LRFN2: variants seen among roughly 807,000 people sequenced by gnomAD.
The protein encoded by LRFN2 is leucine rich repeat and fibronectin type III domain containing 2.
In LRFN2, 18 loss-of-function variants were observed where a neutral mutation model predicts 37.3. The ratio of observed to expected loss-of-function variants is 0.48; its 90% CI spans 0.33 to 0.72. The LOEUF (loss-of-function observed/expected upper bound fraction) is 0.72, where lower values mean the gene tolerates loss of function less well. Among genes scored for constraint, LRFN2 ranks in the 30% least tolerant of loss-of-function variants. The pLI, the probability that LRFN2 is intolerant of heterozygous loss-of-function variation, is 0.02. For synonymous variants in LRFN2, 556 were observed against 466.6 expected, an observed-to-expected ratio of 1.19 and a Z score of -2.47; for missense variants, 1,006 against 1,060.7, an observed-to-expected ratio of 0.95 and a Z score of 0.72.
intron 1 of LRFN2, among the ~76,000 whole-genome samples, chr6:40,570,014 G>A (rs1767159926): frequency 6.6e-6 from 1 of 152,080 alleles, no homozygotes; most frequent in Non-Finnish European, 1.5e-5. Flanking sequence ...CCCCATCTCT[G>A]TGGTTCTCAA....
At chr6:40,552,772 C>T (rs909027509) in intron 1 of LRFN2, among the ~76,000 whole-genome samples, 1 of 152,112 alleles carries the variant, frequency 6.6e-6, no homozygotes, top group Non-Finnish European at 1.5e-5. Flanking sequence ...TACCCTACCC[C>T]AGCAACTATT....
At chr6:40,469,655 G>T (rs1302039645) in intron 1 of LRFN2, among the ~76,000 whole-genome samples, 1 of 152,140 alleles carries the variant, frequency 6.6e-6, no homozygotes, top group Non-Finnish European at 1.5e-5. Flanking sequence ...TTGGAGGATG[G>T]ACAGAGAACC....
chr6:40,526,220 C>T (rs1254190766), intron 1 of LRFN2, among the ~76,000 whole-genome samples: 6 of 152,202 alleles, frequency 3.9e-5, no homozygotes, highest in Non-Finnish European at 7.4e-5. Context: ...ATCCAGCCAG[C>T]GTGCTCCGCA....
chr6:40,506,030 A>T (rs1409388434), intron 1 of LRFN2, among the ~76,000 whole-genome samples: 1 of 152,232 alleles, frequency 6.6e-6, no homozygotes, highest in Admixed American at 6.5e-5. Context: ...AGGGCCCTCC[A>T]GTGAGGGGCC....
chr6:40,445,200 T>C (rs1463610473), intron 1 of LRFN2, among the ~76,000 whole-genome samples: 1 of 152,212 alleles, frequency 6.6e-6, no homozygotes, highest in Non-Finnish European at 1.5e-5. Context: ...GAGGGAAGTA[T>C]CTACAGGGTG....
intron 1 of LRFN2, among the ~76,000 whole-genome samples, chr6:40,536,641 C>A (rs754326664): frequency 6.6e-6 from 1 of 152,174 alleles, no homozygotes; most frequent in Non-Finnish European, 1.5e-5. Flanking sequence ...ACTCAGGACC[C>A]GTCCCGCAGA....
intron 2 of LRFN2, among the ~76,000 whole-genome samples, chr6:40,423,995 T>A (rs1474044466): frequency 1.3e-5 from 2 of 152,226 alleles, no homozygotes; most frequent in Non-Finnish European, 2.9e-5. Flanking sequence ...TAAACCCTTA[T>A]GAGTTTAAGT....
intron 1 of LRFN2, among the ~76,000 whole-genome samples, chr6:40,492,726 A>G (rs1765120924): frequency 1.3e-5 from 2 of 152,094 alleles, no homozygotes; most frequent in Admixed American, 6.5e-5. Context: ...GCCAGGGCAG[A>G]GGCAACAGGC....
chr6:40,519,344 G>A (rs1298602167), intron 1 of LRFN2, among the ~76,000 whole-genome samples: 1 of 152,180 alleles, frequency 6.6e-6, no homozygotes, highest in Non-Finnish European at 1.5e-5. Flanking sequence ...CACTGGTATG[G>A]TCCCAAATCT....
chr6:40,523,991 GAA>G (rs1766168535), intron 1 of LRFN2: 1 of 17,906 alleles, frequency 5.6e-5, no homozygotes, highest in Non-Finnish European at 9.5e-5. Context: ...GAGGGGCTGG[GAA>G]GGGCAGGGGG....
intron 2 of LRFN2, among the ~76,000 whole-genome samples, chr6:40,412,102 T>C (rs1054543263): frequency 6.6e-6 from 1 of 152,086 alleles, no homozygotes; most frequent in Non-Finnish European, 1.5e-5. Flanking sequence ...TGGCACACTG[T>C]TCATTAGCTG....
chr6:40,521,960 T>A (rs567027140), intron 1 of LRFN2, among the ~76,000 whole-genome samples: 1 of 152,294 alleles, frequency 6.6e-6, no homozygotes, highest in East Asian at 1.9e-4. Flanking sequence ...ATTGGTGGAA[T>A]GGGCTGGCTG....
chr6:40,526,254 G>A (rs1237354774), intron 1 of LRFN2, among the ~76,000 whole-genome samples: 1 of 152,204 alleles, frequency 6.6e-6, no homozygotes, highest in Non-Finnish European at 1.5e-5. Flanking sequence ...CTACAGTTTG[G>A]CCTTTACCCA....
intron 1 of LRFN2, among the ~76,000 whole-genome samples, chr6:40,548,907 T>C (rs1045666052): frequency 6.6e-6 from 1 of 152,206 alleles, no homozygotes; most frequent in East Asian, 1.9e-4. Context: ...AAACCCATAC[T>C]TGAGGTCCAC....
At chr6:40,473,713 T>C (rs1188320291) in intron 1 of LRFN2, among the ~76,000 whole-genome samples, 1 of 152,120 alleles carries the variant, frequency 6.6e-6, no homozygotes, top group African/African-American at 2.4e-5. Flanking sequence ...TAGGTATTTG[T>C]CCTAATGCTC....
In LRFN2 at chr6:40,431,866, C is replaced by T; in HGVS notation, c.1248G>A (p.Glu416=). The change falls in exon 2 of 3, where the codon GAG becomes GAA. Residue 416 remains glutamate (E), a synonymous_variant. Transcript: ENST00000338305. ...CCCGTTCCGGGGGGCTTTTGGGAGG[C>T]TCTCCGCCCCCACTGCCTCCACCTC... ...SRGGGGSGGG[E]PPKSPPERAV... is the part of the protein sequence containing the mutation. 6.3e-7 allele frequency: 1 copy of T among 1,596,564 alleles called. No homozygotes were observed. Among genetic ancestry groups the T allele is most frequent in the Non-Finnish European group, 8.5e-7 (1 of 1,170,058 alleles).
intron 1 of LRFN2, among the ~76,000 whole-genome samples, chr6:40,489,485 C>T (rs1412997191): frequency 3.3e-5 from 5 of 152,086 alleles, no homozygotes; most frequent in South Asian, 4.2e-4. Context: ...CAGCTTGGCC[C>T]GGTGAAGGGA....
chr6:40,460,144 A>G (rs1271298210), intron 1 of LRFN2, among the ~76,000 whole-genome samples: 2 of 152,188 alleles, frequency 1.3e-5, no homozygotes, highest in Non-Finnish European at 2.9e-5. Flanking sequence ...GAGTCTCCTC[A>G]CAGGGGCTCC....
At chr6:40,416,375 T>C (rs928942770) in intron 2 of LRFN2, among the ~76,000 whole-genome samples, 1 of 147,112 alleles carries the variant, frequency 6.8e-6, no homozygotes, top group African/African-American at 2.5e-5. Context: ...TCTGGCAATT[T>C]ATTCCTGCAT....
Sources: gnomAD v4.1 joint callset for allele counts (sites outside exome capture counted in the v4.1 genomes callset) on GRCh38, gnomAD v4.1.1 for gene constraint, MANE v1.5 for transcripts, NCBI Gene and HGNC (gene_info 2026-07-23, HGNC 2026-07-21) for gene names.